TRIM44: variants seen among roughly 807,000 people sequenced by gnomAD.
The protein encoded by TRIM44 is tripartite motif containing 44.
In TRIM44, 13 loss-of-function variants were observed where a neutral mutation model predicts 37.4. The observed-to-expected ratio is 0.35, with a 90% confidence interval of 0.23 to 0.55. TRIM44 has a LOEUF of 0.55. Ranked by LOEUF, TRIM44 falls within the 20% of genes least tolerant of loss-of-function variation. The pLI, the probability that TRIM44 is intolerant of heterozygous loss-of-function variation, is 0.89. For synonymous variants in TRIM44, 175 were observed against 157.2 expected (o/e 1.11, Z -0.85); for missense variants, 426 against 437.2 (o/e 0.97, Z 0.23).
At chr11:35,784,002 C>T (rs1182259903) in intron 4 of TRIM44, among the ~76,000 whole-genome samples, 1 of 152,124 alleles carries the variant, frequency 6.6e-6, no homozygotes, top group Non-Finnish European at 1.5e-5. Flanking sequence ...ACTGACGTGG[C>T]CTTCAATGTT....
Position 35,807,679 on chromosome 11 carries a change from TA to T in TRIM44, c.*1298del, listed in dbSNP as rs1263117842. Reference sequence around the variant, plus strand: ...AGTCATAAGATGACCTATTTTTATATAAAAGTTATATTATAGAATAAAATGT... The same window carrying T: ...AGTCATAAGATGACCTATTTTTATATAAAGTTATATTATAGAATAAAATGT... On this transcript the variant is annotated 3_prime_UTR_variant, in exon 5 of 5. Coordinates refer to ENST00000299413, the MANE Select transcript of TRIM44 (RefSeq NM_017583.6). The T allele has an allele frequency of 4.6e-5, 7 of 152,218 alleles. No individual in the cohort carries two copies. The highest frequency in any genetic ancestry group is 1.7e-4 in the African/African-American group (7 of 41,466). 9.4% of individuals were successfully genotyped at this position (152,218 alleles called of 1,614,324 possible).
chr11:35,780,515 A>G (rs1294135412), intron 4 of TRIM44, among the ~76,000 whole-genome samples: 1 of 152,230 alleles, frequency 6.6e-6, no homozygotes, highest in East Asian at 1.9e-4. Flanking sequence ...TAGAGCCTTA[A>G]GGACAGGCAG....
intron 3 of TRIM44, among the ~76,000 whole-genome samples, chr11:35,731,700 T>A (rs1352742159): frequency 6.6e-6 from 1 of 152,216 alleles, no homozygotes; most frequent in East Asian, 1.9e-4. Context: ...TGTGTCTTTA[T>A]TTATATGTCA....
In TRIM44 at chr11:35,688,080, A is replaced by C. The variant is rs1590506978; in HGVS notation, c.747+2744A>C. On this transcript the variant is annotated intron_variant, in intron 2 of 4. Coordinates refer to ENST00000299413, the MANE Select transcript of TRIM44 (RefSeq NM_017583.6). ...ATTGGCATCTTCCAAGACAACCCTT[A>C]AGTTTTTGTCTGTTCTGTTTTCCCA... Among the ~76,000 whole-genome samples, 6 of 152,198 alleles carry C rather than the reference A, an allele frequency of 3.9e-5. No homozygotes were observed. The South Asian group carries it at 1.2e-3, about 31-fold the overall frequency.
chr11:35,759,907 C>T (rs940282651), intron 4 of TRIM44, among the ~76,000 whole-genome samples: 1 of 152,220 alleles, frequency 6.6e-6, no homozygotes, highest in South Asian at 2.1e-4. Flanking sequence ...TCTGCCCTTA[C>T]TGGGGGCTGT....
rs1853519559 is a variant in TRIM44, at chr11:35,810,813, C to T, written c.*4428C>T. On this transcript the variant is annotated 3_prime_UTR_variant, in exon 5 of 5. Coordinates refer to ENST00000299413, the MANE Select transcript of TRIM44 (RefSeq NM_017583.6). ...TGGGGAGAACCAATGAATCCATTGTCCTCTGCCTATTTTCCTGTGCACAGT... is the reference window on the plus strand; with the variant it reads ...TGGGGAGAACCAATGAATCCATTGTTCTCTGCCTATTTTCCTGTGCACAGT... 1 of 152,204 alleles carries T rather than the reference C, an allele frequency of 6.6e-6. No individual in the cohort carries two copies. The highest frequency in any genetic ancestry group is 1.5e-5 in the Non-Finnish European group (1 of 68,042). 9.4% of individuals were successfully genotyped at this position (152,204 alleles called of 1,614,324 possible). A position where few individuals can be genotyped will look rare whatever the true frequency, so the allele number is the denominator to read the frequency against.
At chr11:35,692,270 G>A (rs1851644919) in intron 2 of TRIM44, among the ~76,000 whole-genome samples, 1 of 152,024 alleles carries the variant, frequency 6.6e-6, no homozygotes, top group East Asian at 1.9e-4. Context: ...TTTTAAATAT[G>A]CAACCTGGAT....
At chr11:35,689,554 TGCACAA>T (rs1243640761) in intron 2 of TRIM44, among the ~76,000 whole-genome samples, 1 of 152,222 alleles carries the variant, frequency 6.6e-6, no homozygotes, top group East Asian at 1.9e-4. Context: ...AAACACCTAT[TGCACAA>T]GCAGGATTCT....
intron 2 of TRIM44, among the ~76,000 whole-genome samples, chr11:35,722,066 C>T (rs1457178554): frequency 6.6e-6 from 1 of 152,206 alleles, no homozygotes; most frequent in African/African-American, 2.4e-5. Context: ...TTTCCATAGA[C>T]ACTGGCAAGT....
At chr11:35,786,617 T>TG (rs1186074244) in intron 4 of TRIM44, among the ~76,000 whole-genome samples, 1 of 152,208 alleles carries the variant, frequency 6.6e-6, no homozygotes, top group East Asian at 1.9e-4. Flanking sequence ...GTCAAGTCAC[T>TG]GACCCCTCTG....
intron 1 of TRIM44, among the ~76,000 whole-genome samples, chr11:35,669,823 G>T (rs769608278): frequency 2.7e-4 from 41 of 151,502 alleles, no homozygotes; most frequent in South Asian, 8.3e-4. Context: ...TTTGTTTTTT[G>T]TTGTTGTTGT....
chr11:35,693,155 C>T (rs1851657595), intron 2 of TRIM44, among the ~76,000 whole-genome samples: 1 of 152,062 alleles, frequency 6.6e-6, no homozygotes, highest in Non-Finnish European at 1.5e-5. Flanking sequence ...GGCCAAGACT[C>T]AGCGATTGTA....
At chr11:35,688,992 G>A (rs148740359) in intron 2 of TRIM44, among the ~76,000 whole-genome samples, 138 of 152,306 alleles carry the variant, frequency 9.1e-4, no homozygotes, top group African/African-American at 3.2e-3. Flanking sequence ...AAAAAAGGTA[G>A]ATAAAAATCT....
chr11:35,751,961 T>G (rs924138350), intron 4 of TRIM44, among the ~76,000 whole-genome samples: 5 of 152,180 alleles, frequency 3.3e-5, no homozygotes, highest in Admixed American at 6.5e-5. Flanking sequence ...CAGCTAAAAT[T>G]AGAAGTGGCA....
chr11:35,759,289 A>G (rs1025853612), intron 4 of TRIM44, among the ~76,000 whole-genome samples: 3 of 152,322 alleles, frequency 2.0e-5, no homozygotes, highest in South Asian at 2.1e-4. Context: ...CAGTTGATCA[A>G]ATCGGCTACT....
intron 2 of TRIM44, among the ~76,000 whole-genome samples, chr11:35,694,079 A>AT (rs1159944085): frequency 3.9e-5 from 6 of 152,086 alleles, no homozygotes; most frequent in African/African-American, 1.2e-4. Flanking sequence ...ACAATACCAG[A>AT]TTTTTTCTCC....
At chr11:35,700,735 C>A (rs1469755785) in intron 2 of TRIM44, among the ~76,000 whole-genome samples, 2 of 152,162 alleles carry the variant, frequency 1.3e-5, no homozygotes, top group Non-Finnish European at 2.9e-5. Context: ...CTTTGCATAG[C>A]TAGGGGGCGT....
chr11:35,767,441 A>G (rs1852812403), intron 4 of TRIM44, among the ~76,000 whole-genome samples: 1 of 152,086 alleles, frequency 6.6e-6, no homozygotes. Flanking sequence ...CCTCAGTACT[A>G]CTACTCTGTT....
intron 4 of TRIM44, among the ~76,000 whole-genome samples, chr11:35,785,252 G>T (rs972529583): frequency 6.6e-6 from 1 of 152,240 alleles, no homozygotes; most frequent in African/African-American, 2.4e-5. Context: ...AAAACAGCAA[G>T]CGGCAAAAAC....
Sources: gnomAD v4.1 joint callset for allele counts (sites outside exome capture counted in the v4.1 genomes callset) on GRCh38, gnomAD v4.1.1 for gene constraint, MANE v1.5 for transcripts, NCBI Gene and HGNC (gene_info 2026-07-23, HGNC 2026-07-21) for gene names.